Variants in PIGV observed in about 807,000 individuals in gnomAD.
PIGV encodes phosphatidylinositol glycan anchor biosynthesis class V, also known as GPI alpha-1,6-mannosyltransferase 2.
A neutral mutation model predicts 39.2 loss-of-function variants in PIGV; 27 were observed. The ratio of observed to expected loss-of-function variants is 0.69; its 90% CI spans 0.51 to 0.95. The LOEUF (loss-of-function observed/expected upper bound fraction) is 0.95, where lower values mean the gene tolerates loss of function less well. PIGV is among the 40% of genes least tolerant of loss of function. The pLI, the probability that PIGV is intolerant of heterozygous loss-of-function variation, is 0.00. For synonymous variants in PIGV, 232 were observed against 241.7 expected (o/e 0.96, Z 0.37); for missense variants, 523 against 586.4 (o/e 0.89, Z 1.12).
rs757244253 is a variant in PIGV, at chr1:26,790,908, C to T, written c.78+15C>T. On this transcript the variant is annotated intron_variant, in intron 2 of 3. Transcript: ENST00000674202. ...TGATGCTGCAGGTCAGTCTCCCATCCTTTGTCCTGAATGTGCTATTGCTAC... is the reference window on the plus strand; with the variant it reads ...TGATGCTGCAGGTCAGTCTCCCATCTTTTGTCCTGAATGTGCTATTGCTAC... 8 of 1,607,542 alleles carry T rather than the reference C, an allele frequency of 5.0e-6. No homozygotes were observed. Among genetic ancestry groups the T allele is most frequent in the Non-Finnish European group, 6.8e-6 (8 of 1,174,116 alleles).
rs1039533101 is a variant in PIGV at position 26,788,182 on chromosome 1, C to G, written c.-144C>G. On this transcript the variant is annotated 5_prime_UTR_variant, in exon 1 of 4. Transcript: ENST00000674202. ...GGCGCCGCCTCTTCCTTTCCAGCCT[C>G]CCGCCCTCGTCTGCTTCCGGCCCTG... is the stretch of plus-strand genomic sequence containing the variant. 1 of 152,466 alleles carries G rather than the reference C, an allele frequency of 6.6e-6. No homozygotes were observed. Among genetic ancestry groups the G allele is most frequent in the African/African-American group, 2.4e-5 (1 of 41,496 alleles). 9.4% of individuals were successfully genotyped at this position (152,466 alleles called of 1,614,324 possible).
At position 26,794,694 on chromosome 1, in the gene PIGV, C is replaced by T. The variant is rs1186239174; in HGVS notation, c.660C>T (p.Gly220=). The T allele has an allele frequency of 1.2e-6, 2 of 1,614,106 alleles. No individual in the cohort carries two copies. The highest frequency in any genetic ancestry group is 2.7e-5 in the African/African-American group (2 of 74,950). The part of the protein sequence containing the change: ...VGFLMHSQCQ[G]FFSSLTMLNP... ...TCCTCATGCATTCTCAATGCCAAGG[C>T]TTTTTCTCTTCTCTAACGATGCTGA... The change falls in exon 3 of 4, where the codon GGC becomes GGT. Residue 220 remains glycine (G), a synonymous_variant. Coordinates refer to ENST00000674202, the MANE Select transcript of PIGV (RefSeq NM_017837.4).
chr1:26,787,118 T>C (rs2081247611), upstream of PIGV, among the ~76,000 whole-genome samples: 5 of 152,198 alleles, frequency 3.3e-5, 1 homozygote, highest in South Asian at 1.0e-3. Flanking sequence ...ACATAAGGCT[T>C]TGGAATCCTG....
intron 1 of PIGV, 109 bp from the exon 2 acceptor site, chr1:26,790,650 G>A (rs1306167862): frequency 2.3e-5 from 15 of 641,646 alleles, no homozygotes; most frequent in East Asian, 2.2e-4. Context: ...GAAGTTAGGT[G>A]GTTGGTTAAG....
intron 1 of PIGV, 64 bp from the exon 2 acceptor site, chr1:26,790,695 T>G: frequency 1.3e-6 from 1 of 762,534 alleles, no homozygotes; most frequent in South Asian, 1.5e-5. Flanking sequence ...GAGGTTCCAG[T>G]GACGAATGCT....
rs1420486268 is a variant in PIGV, at chr1:26,790,457, CAGG to C, written c.-57-299_-57-297del. On this transcript the variant is annotated intron_variant, in intron 1 of 3. Transcript: ENST00000674202. The stretch of plus-strand genomic sequence containing the variant: ...AATGAGAACTTGTAAGTGACAGAGT[CAGG>C]AGTTGAACCCAGATCTTTAGTTCCT... 5.9e-5 allele frequency among the ~76,000 whole-genome samples: 9 copies of C among 152,218 alleles called. No homozygotes were observed. In the East Asian group the frequency reaches 1.5e-3, roughly 26 times the overall value.
Position 26,795,158 on chromosome 1 carries a change from T to G in PIGV, c.1124T>G (p.Leu375Arg). The G allele has an allele frequency of 6.2e-7, 1 of 1,614,076 alleles. No individual in the cohort carries two copies. Residue 375 changes from leucine to arginine, a missense_variant, in exon 3 of 4, where the codon CTC becomes CGC. By Grantham distance (102) the Leu-to-Arg change is moderately radical. Coordinates refer to ENST00000674202, the MANE Select transcript of PIGV (RefSeq NM_017837.4). ...CTAGAGAAGCCCGATCTTGGATTCC[T>G]CAGTCCTCAGGTGTTTGTGTACGTG... ...KTLEKPDLGF[L>R]SPQVFVYVVH...
At position 26,799,290 on chromosome 1, in the gene PIGV, A is replaced by G. The variant is rs1246420792; in HGVS notation, c.*1446A>G. On this transcript the variant is annotated 3_prime_UTR_variant, in exon 4 of 4. Coordinates refer to ENST00000674202, the MANE Select transcript of PIGV (RefSeq NM_017837.4). The stretch of plus-strand genomic sequence containing the variant: ...ACGGCGGCAGGAATTGGTAAATTGT[A>G]CGTAAGTCCAAGGTGGAATGAAATG... Among the ~76,000 whole-genome samples, 4 of 152,208 alleles carry G rather than the reference A, an allele frequency of 2.6e-5. No homozygotes were observed. Among genetic ancestry groups the G allele is most frequent in the African/African-American group, 9.6e-5 (4 of 41,456 alleles).
chr1:26,793,884 C>T (rs1420825096), intron 2 of PIGV, among the ~76,000 whole-genome samples: 1 of 152,022 alleles, frequency 6.6e-6, no homozygotes, highest in Non-Finnish European at 1.5e-5. Context: ...GCCGGGATAA[C>T]AGGCGTGAGC....
intron 1 of PIGV, chr1:26,789,113 C>T (rs894898783): frequency 2.6e-5 from 4 of 152,206 alleles, no homozygotes; most frequent in Admixed American, 2.0e-4. Flanking sequence ...AGTGAATTCG[C>T]CCTAGGATAG....
At chr1:26,797,441 G>A in intron 3 of PIGV, 122 bp from the exon 4 acceptor site, 1 of 814,082 alleles carries the variant, frequency 1.2e-6, no homozygotes, top group South Asian at 1.4e-5. Context: ...CTTTTCCAGT[G>A]TAATACATTT....
intron 1 of PIGV, among the ~76,000 whole-genome samples, chr1:26,789,418 G>A (rs887286918): frequency 7.9e-5 from 12 of 152,186 alleles, no homozygotes; most frequent in African/African-American, 2.4e-4. Context: ...ATTTTCCTGT[G>A]GCTTCTGTGA....
chr1:26,795,145 G>C lies in PIGV; in HGVS notation c.1111G>C (p.Asp371His), dbSNP rs764074675. The C allele has an allele frequency of 1.2e-6, 2 of 1,614,054 alleles. No individual in the cohort carries two copies. The highest frequency in any genetic ancestry group is 1.3e-5 in the African/African-American group (1 of 75,022). ...GAACAATAAGACCCTAGAGAAGCCC[G>C]ATCTTGGATTCCTCAGTCCTCAGGT... ...SKNNKTLEKP[D>H]LGFLSPQVFV... The change falls in exon 3 of 4, where the codon GAT (aspartate) becomes CAT (histidine). Residue 371 changes from aspartate (D) to histidine (H), a missense_variant. By Grantham distance (81) the Asp-to-His change is moderately conservative. Coordinates refer to ENST00000674202, the MANE Select transcript of PIGV (RefSeq NM_017837.4).
At chr1:26,791,393 C>T (rs2081307704) in intron 2 of PIGV, among the ~76,000 whole-genome samples, 1 of 152,212 alleles carries the variant, frequency 6.6e-6, no homozygotes, top group African/African-American at 2.4e-5. Flanking sequence ...CTTCCTGCCT[C>T]ACCCACACAC....
chr1:26,795,555 A>C (rs2081370454), intron 3 of PIGV, among the ~76,000 whole-genome samples: 2 of 151,822 alleles, frequency 1.3e-5, no homozygotes, highest in Non-Finnish European at 2.9e-5. Context: ...TACTGAAAAT[A>C]CAAAAATTAG....
In PIGV at chr1:26,797,869, G is replaced by A; in HGVS notation, c.*25G>A. ...ACCTGGACTCTCCAGGGACAGGTTG[G>A]AAGCCAACTTAACCCAGGGGTCTGA... On this transcript the variant is annotated 3_prime_UTR_variant, in exon 4 of 4. Transcript: ENST00000674202. 1 of 1,612,236 alleles carries A rather than the reference G, an allele frequency of 6.2e-7. No homozygotes were observed. Among genetic ancestry groups the A allele is most frequent in the Non-Finnish European group, 8.5e-7 (1 of 1,178,330 alleles).
At position 26,794,423 on chromosome 1, in the gene PIGV, C is replaced by CTTCA. The variant is rs1481494572; in HGVS notation, c.390_391insTCAT (p.Ala131SerfsTer7). On this transcript the variant is annotated frameshift_variant, in exon 3 of 4. Transcript: ENST00000674202. LOFTEE classifies it high-confidence loss of function. Reference sequence around the variant, plus strand: ...CTCAATTTCTTGTTCTTCATGTTGGCTGCAGTTGCACTTCATGACCTGGGT... The same window carrying CTTCA: ...CTCAATTTCTTGTTCTTCATGTTGGCTTCATGCAGTTGCACTTCATGACCTGGGT... The CTTCA allele has an allele frequency of 1.2e-6, 2 of 1,614,240 alleles. No individual in the cohort carries two copies. Among genetic ancestry groups the CTTCA allele is most frequent in the South Asian group, 2.2e-5 (2 of 91,092 alleles).
intron 1 of PIGV, among the ~76,000 whole-genome samples, chr1:26,790,375 GA>G (rs894979105): frequency 5.1e-4 from 74 of 145,810 alleles, no homozygotes; most frequent in East Asian, 5.9e-4. Context: ...TGTGAGATAG[GA>G]AAAAAAAAAA....
chr1:26,794,044 A>C (rs1396115915), intron 2 of PIGV, 69 bp from the exon 3 acceptor site: 75 of 1,473,166 alleles, frequency 5.1e-5, no homozygotes, highest in Non-Finnish European at 6.5e-5. Context: ...CTTCTTCCTC[A>C]TTTTATTAAA....
Sources: gnomAD v4.1 joint callset for allele counts (sites outside exome capture counted in the v4.1 genomes callset) on GRCh38, gnomAD v4.1.1 for gene constraint, MANE v1.5 for transcripts, NCBI Gene and HGNC (gene_info 2026-07-23, HGNC 2026-07-21) for gene names.